The following PDLIM5 variants were observed in gnomAD, a reference collection of about 807,000 sequenced individuals.
PDLIM5 encodes PDZ and LIM domain 5, also known as PDZ and LIM domain protein 5.
PDLIM5 carries 34 observed loss-of-function variants against 64.2 expected under a neutral mutation model. That is an observed-to-expected ratio of 0.53 (90% CI 0.40 to 0.71). The LOEUF (loss-of-function observed/expected upper bound fraction) is 0.71, where lower values mean the gene tolerates loss of function less well. PDLIM5 is among the 30% of genes least tolerant of loss of function. The pLI is 0.00. For synonymous variants in PDLIM5, 253 were observed against 269.1 expected, an observed-to-expected ratio of 0.94 and a Z score of 0.59; for missense variants, 683 against 733.6, an observed-to-expected ratio of 0.93 and a Z score of 0.80.
chr4:94,503,045 T>A (rs759053151), intron 2 of PDLIM5, among the ~76,000 whole-genome samples: 35 of 152,294 alleles, frequency 2.3e-4, no homozygotes, highest in Non-Finnish European at 4.9e-4. Context: ...TTTGAAAATG[T>A]TGGTTTTAAT....
At chr4:94,532,622 G>A (rs1358404057) in intron 3 of PDLIM5, among the ~76,000 whole-genome samples, 1 of 152,170 alleles carries the variant, frequency 6.6e-6, no homozygotes, top group East Asian at 1.9e-4. Context: ...CCAATATTCT[G>A]CATTTATGAC....
chr4:94,585,042 T>C (rs1736046503), intron 5 of PDLIM5: 1 of 1,070,742 alleles, frequency 9.3e-7, no homozygotes, highest in Non-Finnish European at 1.4e-6. Flanking sequence ...AGCATTATTT[T>C]ATATTAACAT....
intron 2 of PDLIM5, among the ~76,000 whole-genome samples, chr4:94,513,775 T>C (rs577567219): frequency 4.9e-4 from 75 of 152,312 alleles, no homozygotes; most frequent in Admixed American, 1.2e-3. Flanking sequence ...GTAAGAGTGA[T>C]GAAAATGGCC....
At chr4:94,630,980 C>T (rs112803834) in intron 8 of PDLIM5, among the ~76,000 whole-genome samples, 1 of 151,928 alleles carries the variant, frequency 6.6e-6, no homozygotes, top group Non-Finnish European at 1.5e-5. Flanking sequence ...TCATCACAGC[C>T]CACTGCAACC....
At chr4:94,560,063 C>T (rs1276078334) in intron 3 of PDLIM5, among the ~76,000 whole-genome samples, 3 of 152,162 alleles carry the variant, frequency 2.0e-5, no homozygotes, top group Non-Finnish European at 4.4e-5. Context: ...GGTTTAGAAG[C>T]ATCCAAGGTC....
chr4:94,494,453 T>TTTTTTTTTTTTTTTG, intron 2 of PDLIM5, among the ~76,000 whole-genome samples: 1 of 92,826 alleles, frequency 1.1e-5, no homozygotes, highest in African/African-American at 5.2e-5. Context: ...TTTTTTTTTT[T>TTTTTTTTTTTTTTTG]TTTGAGACGG....
chr4:94,466,181 T>C lies in PDLIM5; in HGVS notation c.96+10797T>C, dbSNP rs1169915567. 3.9e-5 allele frequency among the ~76,000 whole-genome samples: 6 copies of C among 152,270 alleles called. No individual in the cohort carries two copies. In the East Asian group the frequency reaches 1.2e-3, roughly 29 times the overall value. On this transcript the variant is annotated intron_variant, in intron 2 of 12. Transcript: ENST00000317968. ...CAGGGTCTCATTATGTTGCCCAGGC[T>C]GATCTGTAACTCCTGACCTCATGTG... is the stretch of plus-strand genomic sequence containing the variant.
chr4:94,581,114 G>A (rs1351218383), intron 5 of PDLIM5, among the ~76,000 whole-genome samples: 1 of 152,108 alleles, frequency 6.6e-6, no homozygotes, highest in Non-Finnish European at 1.5e-5. Context: ...GTAGATTGCA[G>A]TTTGCCCAGG....
At chr4:94,482,923 A>G (rs142829382) in intron 2 of PDLIM5, among the ~76,000 whole-genome samples, 227 of 152,278 alleles carry the variant, frequency 1.5e-3, no homozygotes, top group Admixed American at 2.4e-3. Flanking sequence ...AAAAAAATGT[A>G]CTAGACAGGG....
chr4:94,615,141 T>G lies in PDLIM5; in HGVS notation c.921-2863T>G, dbSNP rs140573875. Among the ~76,000 whole-genome samples the G allele has an allele frequency of 2.6e-5, 4 of 152,298 alleles. No homozygotes were observed. The East Asian group carries it at 7.7e-4, about 29-fold the overall frequency. On this transcript the variant is annotated intron_variant, in intron 7 of 12. Coordinates refer to ENST00000317968, the MANE Select transcript of PDLIM5 (RefSeq NM_006457.5). ...GTAATCTTGGGATAAAGGTAGTATTTTTATACCATTTTACAGGTGAGGAAA... is the reference window on the plus strand; with the variant it reads ...GTAATCTTGGGATAAAGGTAGTATTGTTATACCATTTTACAGGTGAGGAAA...
At chr4:94,535,677 T>C (rs1203910316) in intron 3 of PDLIM5, among the ~76,000 whole-genome samples, 1 of 152,242 alleles carries the variant, frequency 6.6e-6, no homozygotes, top group Non-Finnish European at 1.5e-5. Context: ...TCCTAGTCAT[T>C]ATGCTTATAT....
chr4:94,663,903 CT>C, intron 12 of PDLIM5, 74 bp from the exon 13 acceptor site: 1 of 1,474,052 alleles, frequency 6.8e-7, no homozygotes. Flanking sequence ...TCACTCTCTC[CT>C]TCTCCAGCAT....
In PDLIM5 at chr4:94,524,716, C is replaced by T. The variant is rs188875471; in HGVS notation, c.248+841C>T. ...GCATCCCATCATTTGAAACCTGCAC[C>T]AAAATCATCTGGAGTGCTTGTTAAA... On this transcript the variant is annotated intron_variant, in intron 3 of 12. Transcript: ENST00000317968. Among the ~76,000 whole-genome samples, 46 of 152,148 alleles carry T rather than the reference C, an allele frequency of 3.0e-4. 1 individual carries two copies. The East Asian group carries it at 8.7e-3, about 29-fold the overall frequency.
chr4:94,605,601 G>A (rs998765758), intron 7 of PDLIM5, among the ~76,000 whole-genome samples: 2 of 152,156 alleles, frequency 1.3e-5, no homozygotes, highest in African/African-American at 4.8e-5. Flanking sequence ...ACTGATGTTT[G>A]TTCCATAGTA....
At chr4:94,561,134 C>T (rs1309549109) in intron 3 of PDLIM5, among the ~76,000 whole-genome samples, 1 of 152,084 alleles carries the variant, frequency 6.6e-6, no homozygotes, top group African/African-American at 2.4e-5. Flanking sequence ...CACCTCGTTA[C>T]AAATAGTATA....
chr4:94,582,778 T>C (rs762382168), intron 5 of PDLIM5: 72 of 1,255,978 alleles, frequency 5.7e-5, no homozygotes, highest in Non-Finnish European at 8.1e-5. Context: ...TCTGTAACTT[T>C]CCTTCTTGCT....
chr4:94,566,059 ACT>A (rs1039205944), intron 3 of PDLIM5, among the ~76,000 whole-genome samples: 3 of 152,110 alleles, frequency 2.0e-5, no homozygotes, highest in African/African-American at 7.2e-5. Flanking sequence ...TGGAGCCATT[ACT>A]CTCTGAAATT....
At chr4:94,613,507 C>T (rs1469128730) in intron 7 of PDLIM5, among the ~76,000 whole-genome samples, 1 of 152,094 alleles carries the variant, frequency 6.6e-6, no homozygotes, top group Non-Finnish European at 1.5e-5. Flanking sequence ...TCATTAGCTC[C>T]ATCTTGAAAA....
intron 2 of PDLIM5, among the ~76,000 whole-genome samples, chr4:94,486,403 C>T (rs1301296418): frequency 1.3e-5 from 2 of 152,070 alleles, no homozygotes; most frequent in Non-Finnish European, 2.9e-5. Context: ...GCTCTGTAGA[C>T]CAAAATGCTG....
Sources: gnomAD v4.1 joint callset for allele counts (sites outside exome capture counted in the v4.1 genomes callset) on GRCh38, gnomAD v4.1.1 for gene constraint, MANE v1.5 for transcripts, NCBI Gene and HGNC (gene_info 2026-07-23, HGNC 2026-07-21) for gene names.